The following SCN2A variants were observed in gnomAD, a reference collection of about 807,000 sequenced individuals.
SCN2A encodes the protein sodium channel protein type 2 subunit alpha.
In SCN2A, 20 loss-of-function variants were observed where a neutral mutation model predicts 188.7. The observed-to-expected ratio is 0.11, with a 90% CI of 0.07 to 0.15. SCN2A has a LOEUF of 0.15. SCN2A is among the 10% of genes least tolerant of loss of function. The probability of loss-of-function intolerance (pLI) is 1.00; values close to 1 mark genes in which losing one functional copy is unlikely to be tolerated. For missense variants in SCN2A, 1,278 were observed against 2,445.0 expected, an observed-to-expected ratio of 0.52 and a Z score of 10.07; for synonymous variants, 804 against 833.1, an observed-to-expected ratio of 0.97 and a Z score of 0.60.
intron 1 of SCN2A, among the ~76,000 whole-genome samples, chr2:165,261,370 G>A (rs538215208): frequency 4.6e-5 from 7 of 152,174 alleles, no homozygotes; most frequent in African/African-American, 1.7e-4. Context: ...GCTGGTATCT[G>A]TTTCTAAAGT....
At chr2:165,372,264 A>G (rs939966720) in intron 20 of SCN2A, 4 of 152,190 alleles carry the variant, frequency 2.6e-5, no homozygotes, top group Non-Finnish European at 5.9e-5. Flanking sequence ...TTCTGTATTC[A>G]AGAGGCTTCA....
chr2:165,377,520 A>G, intron 22 of SCN2A, 77 bp from the exon 23 acceptor site: 1 of 1,273,848 alleles, frequency 7.9e-7, no homozygotes, highest in Non-Finnish European at 1.1e-6. Flanking sequence ...GTCAAATAGA[A>G]TTTTGATCAA....
intron 11 of SCN2A, among the ~76,000 whole-genome samples, chr2:165,320,775 C>T (rs1400764200): frequency 2.0e-5 from 3 of 152,140 alleles, no homozygotes; most frequent in African/African-American, 4.8e-5. Flanking sequence ...CTGCACACAG[C>T]GTGGGACTCT....
At chr2:165,388,599 A>C (rs756051147) in intron 26 of SCN2A, 30 bp from the exon 27 acceptor site, 1 of 1,613,484 alleles carries the variant, frequency 6.2e-7, no homozygotes. Flanking sequence ...AAGTATAACA[A>C]TATTTTTGTT....
intron 23 of SCN2A, among the ~76,000 whole-genome samples, 163 bp from the exon 24 acceptor site, chr2:165,380,429 C>G (rs1701541643): frequency 6.6e-6 from 1 of 151,712 alleles, no homozygotes; most frequent in Admixed American, 6.6e-5. Flanking sequence ...TTGCAGAACT[C>G]TTCAATAAGC....
At chr2:165,262,250 G>A (rs546194174) in intron 1 of SCN2A, among the ~76,000 whole-genome samples, 154 of 152,056 alleles carry the variant, frequency 1.0e-3, no homozygotes, top group African/African-American at 3.5e-3. Context: ...AGGTTTTTGG[G>A]GAACTGGTGG....
Position 165,374,696 on chromosome 2 carries a change from T to C in SCN2A, c.3984T>C (p.Asn1328=), listed in dbSNP as rs1701219630. The C allele has an allele frequency of 1.2e-6, 2 of 1,613,244 alleles. No homozygotes were observed. Among genetic ancestry groups the C allele is most frequent in the South Asian group, 1.1e-5 (1 of 91,066 alleles). ...TCATCCTGTGCCAGGTTGTTGTAAA[T>C]GCTCTTTTAGGAGCCATTCCATCTA... is the stretch of plus-strand genomic sequence containing the variant. ...SRFEGMRVVV[N]ALLGAIPSIM... Residue 1328 remains asparagine, a synonymous_variant, in exon 22 of 27, where the codon AAT becomes AAC. Transcript: ENST00000375437.
rs376273827 is a variant in SCN2A, at chr2:165,342,278, A to C, written c.2389-18A>C. ...TCAAGAGTATTTGCTCATATAATGA[A>C]CTACACTTCTCATTTAGGTCTTCAC... On this transcript the variant is annotated intron_variant, in intron 14 of 26. Transcript: ENST00000375437. 170 of 1,607,904 alleles carry C rather than the reference A, an allele frequency of 1.1e-4. No homozygotes were observed. The African/African-American group carries it at 2.2e-3, about 21-fold the overall frequency.
At chr2:165,312,421 T>C (rs1326005715) in intron 8 of SCN2A, among the ~76,000 whole-genome samples, 6 of 152,150 alleles carry the variant, frequency 3.9e-5, no homozygotes, top group Non-Finnish European at 8.8e-5. Context: ...TATATACTAA[T>C]GTGTTCTCCA....
At chr2:165,287,517 T>G (rs1695902668) in intron 1 of SCN2A, among the ~76,000 whole-genome samples, 1 of 151,746 alleles carries the variant, frequency 6.6e-6, no homozygotes, top group Non-Finnish European at 1.5e-5. Context: ...TTCAGGTGTT[T>G]TTTTTTTTTA....
intron 3 of SCN2A, among the ~76,000 whole-genome samples, chr2:165,304,100 A>G (rs1018364415): frequency 3.9e-5 from 6 of 151,910 alleles, no homozygotes; most frequent in African/African-American, 1.5e-4. Flanking sequence ...TGTGTAAACA[A>G]TATGTATATA....
rs796053187 is a variant in SCN2A at position 165,323,213 on chromosome 2, C to A, written c.1729C>A (p.Leu577Ile). The change falls in exon 12 of 27, where the codon CTT becomes ATT. Residue 577 changes from leucine (L) to isoleucine (I), a missense_variant. This residue lies in a region of SCN2A where 315 missense variants were observed against 386.6 expected (regional missense o/e 0.81). Coordinates refer to ENST00000375437, the MANE Select transcript of SCN2A (RefSeq NM_001040142.2). ...TCCAAGACGCAACAGTAGGGCGAGC[C>A]TTTTCAGCTTCAGAGGTCGAGCAAA... The part of the protein sequence containing the change: ...FSPRRNSRAS[L>I]FSFRGRAKDI... The A allele has an allele frequency of 5.6e-6, 9 of 1,614,186 alleles. No individual in the cohort carries two copies. The highest frequency in any genetic ancestry group is 6.8e-6 in the Non-Finnish European group (8 of 1,180,038).
At chr2:165,326,728 A>C (rs182537440) in intron 12 of SCN2A, 124 bp from the exon 13 acceptor site, 2 of 1,099,560 alleles carry the variant, frequency 1.8e-6, no homozygotes, top group East Asian at 4.8e-5. Context: ...ACAATATCTT[A>C]GTGAGCTTTT....
In SCN2A at chr2:165,374,798, G is replaced by A. The variant is rs1701224756; in HGVS notation, c.4086G>A (p.Lys1362=). The A allele has an allele frequency of 6.2e-6, 10 of 1,613,590 alleles. No individual in the cohort carries two copies. The highest frequency in any genetic ancestry group is 1.3e-5 in the African/African-American group (1 of 74,984). ...TGGGAGTGAATCTCTTTGCTGGCAAGTTTTACCATTGTATTAATTACACCA... is the reference window on the plus strand; with the variant it reads ...TGGGAGTGAATCTCTTTGCTGGCAAATTTTACCATTGTATTAATTACACCA... ...SIMGVNLFAG[K]FYHCINYTTG... Residue 1362 remains lysine (K), a synonymous_variant, in exon 22 of 27, where the codon AAG becomes AAA. Coordinates refer to ENST00000375437, the MANE Select transcript of SCN2A (RefSeq NM_001040142.2).
chr2:165,380,892 GA>G, intron 24 of SCN2A, 163 bp downstream of exon 24: 1 of 712,340 alleles, frequency 1.4e-6, no homozygotes, highest in Non-Finnish European at 2.3e-6. Flanking sequence ...TAATAATTCA[GA>G]TAGCATGTTT....
At chr2:165,279,916 G>T (rs1695511408) in intron 1 of SCN2A, among the ~76,000 whole-genome samples, 1 of 152,160 alleles carries the variant, frequency 6.6e-6, no homozygotes, top group Non-Finnish European at 1.5e-5. Flanking sequence ...AGTCTCATAA[G>T]ATCCGATGGT....
rs1435844468 is a variant in SCN2A, at chr2:165,391,246, T to C, written c.*1422T>C. On this transcript the variant is annotated 3_prime_UTR_variant, in exon 27 of 27. Transcript: ENST00000375437. The stretch of plus-strand genomic sequence containing the variant: ...AGGTTGCAGCAAACAAGGAAGAGCT[T>C]CTTGCTTTTTATTCTTCCAACCTTA... The C allele has an allele frequency of 6.6e-6, 1 of 152,518 alleles. No homozygotes were observed. The highest frequency in any genetic ancestry group is 6.6e-5 in the Admixed American group (1 of 15,240). The allele number at this position is 152,518 out of a possible 1,614,324, so 9.4% of individuals were successfully genotyped here.
chr2:165,355,369 A>G (rs1281086669), intron 17 of SCN2A, among the ~76,000 whole-genome samples: 2 of 152,220 alleles, frequency 1.3e-5, no homozygotes, highest in African/African-American at 4.8e-5. Flanking sequence ...AACTTAATGT[A>G]TTCTTTGATT....
chr2:165,382,864 A>G (rs1033287308), intron 25 of SCN2A, among the ~76,000 whole-genome samples: 1 of 152,166 alleles, frequency 6.6e-6, no homozygotes, highest in African/African-American at 2.4e-5. Flanking sequence ...GAATAGAGAA[A>G]AAAACAAAAT....
Sources: allele counts gnomAD v4.1 joint callset (sites outside exome capture counted in the v4.1 genomes callset), GRCh38; gene constraint gnomAD v4.1.1; regional missense constraint gnomAD v4.1.1; transcripts MANE v1.5; gene names NCBI Gene and HGNC (gene_info 2026-07-23, HGNC 2026-07-21).